DNMBP: variants seen among roughly 807,000 people sequenced by gnomAD.
DNMBP encodes dynamin binding protein.
DNMBP carries 87 observed loss-of-function variants against 150.0 expected under a neutral mutation model. That is an observed-to-expected ratio of 0.58 (90% confidence interval 0.49 to 0.69). DNMBP has a LOEUF of 0.69. DNMBP is among the 30% of genes least tolerant of loss of function. DNMBP has a pLI of 0.00. For synonymous variants in DNMBP, 711 were observed against 750.4 expected (o/e 0.95, Z 0.86); for missense variants, 1,774 against 1,949.0 (o/e 0.91, Z 1.69).
chr10:99,879,367 G>A (rs549089733), intron 16 of DNMBP, among the ~76,000 whole-genome samples: 1 of 152,174 alleles, frequency 6.6e-6, no homozygotes, highest in South Asian at 2.1e-4. Flanking sequence ...AGGAAGCTGA[G>A]GCATGAGAAA....
chr10:99,881,054 C>T (rs1049730297), intron 15 of DNMBP, among the ~76,000 whole-genome samples: 2 of 152,082 alleles, frequency 1.3e-5, no homozygotes, highest in Non-Finnish European at 2.9e-5. Flanking sequence ...GGTGAAGCCC[C>T]GTCTCTATTA....
At chr10:100,005,764 CAA>C (rs760685767) in intron 1 of DNMBP, among the ~76,000 whole-genome samples, 8 of 37,992 alleles carry the variant, frequency 2.1e-4, no homozygotes, top group African/African-American at 4.0e-4. Flanking sequence ...CAAAAGTCTC[CAA>C]AAAAAAAAAA....
At chr10:99,968,233 G>A (rs2040639450) in intron 3 of DNMBP, among the ~76,000 whole-genome samples, 1 of 152,088 alleles carries the variant, frequency 6.6e-6, no homozygotes, top group South Asian at 2.1e-4. Context: ...GTAGTAAAAT[G>A]CGGATGTTTT....
intron 5 of DNMBP, among the ~76,000 whole-genome samples, chr10:99,908,442 A>G (rs947369561): frequency 6.6e-6 from 1 of 152,230 alleles, no homozygotes; most frequent in South Asian, 2.1e-4. Context: ...CAAGGGTGTA[A>G]ACCCAAGCCC....
intron 4 of DNMBP, among the ~76,000 whole-genome samples, chr10:99,910,761 C>T (rs2039889285): frequency 6.6e-6 from 1 of 152,176 alleles, no homozygotes; most frequent in Admixed American, 6.5e-5. Flanking sequence ...AAGGGGCTCC[C>T]ACTGGCCAAT....
At chr10:99,896,543 C>T (rs2039658684) in intron 9 of DNMBP, 146 bp from the exon 10 acceptor site, 2 of 803,424 alleles carry the variant, frequency 2.5e-6, no homozygotes, top group Admixed American at 4.3e-5. Context: ...GATTTATGGA[C>T]AGACATGATA....
intron 1 of DNMBP, among the ~76,000 whole-genome samples, chr10:99,995,077 C>G (rs923081156): frequency 6.8e-6 from 1 of 146,658 alleles, no homozygotes; most frequent in Non-Finnish European, 1.5e-5. Flanking sequence ...TTTTTTGAGA[C>G]AGTCTCACTC....
intron 1 of DNMBP, among the ~76,000 whole-genome samples, chr10:99,982,921 G>C (rs978761818): frequency 6.6e-6 from 1 of 151,282 alleles, no homozygotes; most frequent in African/African-American, 2.4e-5. Context: ...CAAGCTGATC[G>C]CACTACTGCA....
intron 4 of DNMBP, among the ~76,000 whole-genome samples, chr10:99,934,325 T>C (rs533847898): frequency 1.1e-3 from 173 of 150,828 alleles, no homozygotes; most frequent in African/African-American, 3.2e-3. Flanking sequence ...CAAGCCTAGG[T>C]TTCAGATGGA....
In DNMBP at chr10:99,932,323, C is replaced by T. The variant is rs953248842; in HGVS notation, c.2260+22891G>A. On this transcript the variant is annotated intron_variant, in intron 4 of 16. Coordinates refer to ENST00000324109, the MANE Select transcript of DNMBP (RefSeq NM_015221.4). ...CAATCTACCCATCAATAAAATGAGG[C>T]AGTTGGCCACAATGACTCCTCGGAT... 2.6e-5 allele frequency among the ~76,000 whole-genome samples: 4 copies of T among 152,180 alleles called. No homozygotes were observed. The South Asian group carries it at 8.3e-4, about 32-fold the overall frequency.
At chr10:99,962,198 T>C (rs1340139819) in intron 3 of DNMBP, among the ~76,000 whole-genome samples, 1 of 152,248 alleles carries the variant, frequency 6.6e-6, no homozygotes, top group Non-Finnish European at 1.5e-5. Flanking sequence ...GATTTTACAC[T>C]TAGAGAGAGT....
intron 4 of DNMBP, among the ~76,000 whole-genome samples, chr10:99,935,367 T>C (rs1285875657): frequency 6.6e-6 from 1 of 151,930 alleles, no homozygotes; most frequent in Non-Finnish European, 1.5e-5. Context: ...AAGACAGACT[T>C]AGTTTTTTTT....
At chr10:99,960,968 C>T (rs185977596) in intron 3 of DNMBP, among the ~76,000 whole-genome samples, 3 of 151,686 alleles carry the variant, frequency 2.0e-5, no homozygotes, top group Non-Finnish European at 2.9e-5. Context: ...CAAAGAGAGG[C>T]CCTGTCTCTA....
intron 4 of DNMBP, among the ~76,000 whole-genome samples, chr10:99,951,416 A>ATGGTAGATCCACCAACAGCTTGCACCG (rs2040421355): frequency 6.6e-6 from 1 of 152,200 alleles, no homozygotes; most frequent in Non-Finnish European, 1.5e-5. Context: ...AGACCCCAGA[A>ATGGTAGATCCACCAACAGCTTGCACCG]TGGTAGATCC....
chr10:99,887,441 C>T (rs989942712), intron 12 of DNMBP, among the ~76,000 whole-genome samples: 1 of 151,808 alleles, frequency 6.6e-6, no homozygotes, highest in Non-Finnish European at 1.5e-5. Flanking sequence ...GCAGGAGAAT[C>T]GCTTGAACCT....
Position 99,898,822 on chromosome 10 carries a change from C to A in DNMBP, c.2703-62G>T, listed in dbSNP as rs927465555. On this transcript the variant is annotated intron_variant, in intron 7 of 16. Coordinates refer to ENST00000324109, the MANE Select transcript of DNMBP (RefSeq NM_015221.4). ...TTATTAGAGAGAGAATCTTGAGTTTCACATTTTTCTCAGAACATAAATCAT... is the reference window on the plus strand; with the variant it reads ...TTATTAGAGAGAGAATCTTGAGTTTAACATTTTTCTCAGAACATAAATCAT... 3 of 1,467,744 alleles carry A rather than the reference C, an allele frequency of 2.0e-6. No individual in the cohort carries two copies. The African/African-American group carries it at 4.2e-5, about 21-fold the overall frequency. The allele number at this position is 1,467,744 out of a possible 1,614,324, so 90.9% of individuals were successfully genotyped here.
chr10:99,946,821 T>A (rs1443031103), intron 4 of DNMBP, among the ~76,000 whole-genome samples: 1 of 151,868 alleles, frequency 6.6e-6, no homozygotes, highest in African/African-American at 2.4e-5. Context: ...AAACTATATG[T>A]AAACTATGCA....
At chr10:100,000,620 G>A (rs1185512364) in intron 1 of DNMBP, among the ~76,000 whole-genome samples, 1 of 152,050 alleles carries the variant, frequency 6.6e-6, no homozygotes, top group Non-Finnish European at 1.5e-5. Context: ...AGCTAAGAGA[G>A]CTTTCTTCTC....
At chr10:100,000,054 A>G (rs1010370374) in intron 1 of DNMBP, among the ~76,000 whole-genome samples, 1 of 152,214 alleles carries the variant, frequency 6.6e-6, no homozygotes, top group Admixed American at 6.5e-5. Context: ...CATTTTATAT[A>G]GTGCTATTAA....
Sources: allele counts gnomAD v4.1 joint callset (sites outside exome capture counted in the v4.1 genomes callset), GRCh38; gene constraint gnomAD v4.1.1; transcripts MANE v1.5; gene names NCBI Gene and HGNC (gene_info 2026-07-23, HGNC 2026-07-21).